Variants in LTBP1 observed in about 807,000 individuals in gnomAD.
LTBP1 encodes latent transforming growth factor beta binding protein 1, also known as latent-transforming growth factor beta-binding protein 1.
LTBP1 carries 129 observed loss-of-function variants against 207.6 expected under a neutral mutation model. The ratio of observed to expected loss-of-function variants is 0.62; its 90% CI spans 0.54 to 0.72. The LOEUF is 0.72. Ranked by LOEUF, LTBP1 falls within the 30% of genes least tolerant of loss-of-function variation. The pLI is 0.00. For missense variants in LTBP1, 2,281 were observed against 2,217.2 expected (o/e 1.03, Z -0.58); for synonymous variants, 963 against 833.7 (o/e 1.16, Z -2.67).
chr2:33,006,294 T>C (rs1271349508), intron 2 of LTBP1, among the ~76,000 whole-genome samples: 3 of 152,122 alleles, frequency 2.0e-5, no homozygotes. Flanking sequence ...TGACATACTC[T>C]GAGTCTCACT....
intron 1 of LTBP1, 64 bp downstream of exon 1, chr2:32,947,882 C>T (rs1343124044): frequency 1.6e-6 from 2 of 1,252,608 alleles, no homozygotes; most frequent in East Asian, 3.3e-5. Flanking sequence ...GAGGGACCTG[C>T]GGGGTCAGGG....
intron 5 of LTBP1, among the ~76,000 whole-genome samples, chr2:33,175,445 C>G (rs548815538): frequency 6.6e-6 from 1 of 152,086 alleles, no homozygotes; most frequent in South Asian, 2.1e-4. Context: ...AAATCAAAAC[C>G]ACAATGAGAT....
At chr2:33,050,563 G>T (rs538893427) in intron 3 of LTBP1, among the ~76,000 whole-genome samples, 2 of 151,104 alleles carry the variant, frequency 1.3e-5, no homozygotes, top group African/African-American at 4.9e-5. Flanking sequence ...AAAAAAATAG[G>T]AGAGGATCCT....
At chr2:33,378,530 C>T (rs1342434037) in intron 31 of LTBP1, among the ~76,000 whole-genome samples, 2 of 152,168 alleles carry the variant, frequency 1.3e-5, no homozygotes, top group Non-Finnish European at 2.9e-5. Context: ...CCACGCCCAG[C>T]ATACTTTCAC....
At chr2:33,157,934 G>T (rs570978214) in intron 5 of LTBP1, among the ~76,000 whole-genome samples, 1 of 152,218 alleles carries the variant, frequency 6.6e-6, no homozygotes, top group East Asian at 1.9e-4. Context: ...CTGAGGTCAG[G>T]AGTTTGAGAC....
intron 8 of LTBP1, among the ~76,000 whole-genome samples, chr2:33,219,213 A>C (rs1188461490): frequency 2.0e-5 from 3 of 152,226 alleles, no homozygotes; most frequent in Non-Finnish European, 4.4e-5. Flanking sequence ...ATTTACAAAA[A>C]TAATCCATGT....
Position 33,398,565 on chromosome 2 carries a change from A to T in LTBP1, c.*20A>T. On this transcript the variant is annotated 3_prime_UTR_variant, in exon 34 of 34. Coordinates refer to ENST00000404816, the MANE Select transcript of LTBP1 (RefSeq NM_206943.4). ...GAGTGAAACAGAATCTACATAACCTAAGCCCATATACTCTGCACTGTGTAA... is the reference window on the plus strand; with the variant it reads ...GAGTGAAACAGAATCTACATAACCTTAGCCCATATACTCTGCACTGTGTAA... 1 of 1,609,260 alleles carries T rather than the reference A, an allele frequency of 6.2e-7. No individual in the cohort carries two copies. The highest frequency in any genetic ancestry group is 8.5e-7 in the Non-Finnish European group (1 of 1,176,926).
chr2:33,283,427 C>CTTTTTTTTTTT (rs763384851), intron 19 of LTBP1, among the ~76,000 whole-genome samples: 1 of 68,872 alleles, frequency 1.5e-5, no homozygotes, highest in Non-Finnish European at 2.6e-5. Flanking sequence ...ACATTAAAGA[C>CTTTTTTTTTTT]TTTTTTTTTT....
intron 2 of LTBP1, among the ~76,000 whole-genome samples, chr2:32,961,251 T>A (rs1287059384): frequency 6.6e-6 from 1 of 152,150 alleles, no homozygotes; most frequent in African/African-American, 2.4e-5. Flanking sequence ...TGACTGGACC[T>A]CCGGGTCTCT....
At chr2:33,374,379 T>C (rs2095110023) in intron 31 of LTBP1, among the ~76,000 whole-genome samples, 1 of 152,192 alleles carries the variant, frequency 6.6e-6, no homozygotes, top group Non-Finnish European at 1.5e-5. Context: ...CGTGAGGTTA[T>C]GATAATTAAT....
chr2:33,363,382 C>T lies in LTBP1; in HGVS notation c.4271-8C>T. 6.2e-7 allele frequency: 1 copy of T among 1,611,922 alleles called. No homozygotes were observed. Among genetic ancestry groups the T allele is most frequent in the Non-Finnish European group, 8.5e-7 (1 of 1,179,008 alleles). Reference sequence around the variant, plus strand: ...CCTTTTTGTATTTCTCAATTTTTTTCCCCGTAGATGCAGATGAATGCCTAC... The same window carrying T: ...CCTTTTTGTATTTCTCAATTTTTTTTCCCGTAGATGCAGATGAATGCCTAC... On this transcript the variant is annotated splice_polypyrimidine_tract_variant and splice_region_variant and intron_variant, in intron 28 of 33. Coordinates refer to ENST00000404816, the MANE Select transcript of LTBP1 (RefSeq NM_206943.4).
intron 2 of LTBP1, among the ~76,000 whole-genome samples, chr2:32,952,509 A>C (rs573169323): frequency 6.6e-6 from 1 of 152,220 alleles, no homozygotes; most frequent in African/African-American, 2.4e-5. Context: ...AAAGAGATGG[A>C]GAGATGGACC....
chr2:33,262,540 CTTTTTTTTT>C (rs369761322), intron 13 of LTBP1, among the ~76,000 whole-genome samples, 173 bp from the exon 14 acceptor site: 2 of 98,496 alleles, frequency 2.0e-5, no homozygotes, highest in African/African-American at 7.4e-5. Context: ...ATCAAAGGTT[CTTTTTTTTT>C]TTTTTTTTTT....
intron 13 of LTBP1, among the ~76,000 whole-genome samples, chr2:33,262,221 G>C (rs1258466534): frequency 6.6e-6 from 1 of 152,230 alleles, no homozygotes. Context: ...TGAGGTTAAA[G>C]AAGGCCATAG....
intron 20 of LTBP1, among the ~76,000 whole-genome samples, chr2:33,297,527 G>A (rs1374365717): frequency 6.6e-6 from 1 of 151,904 alleles, no homozygotes; most frequent in East Asian, 1.9e-4. Context: ...TGCCTCCCAG[G>A]TTCAAGTGAT....
At chr2:33,367,207 A>G (rs973495060) in intron 31 of LTBP1, among the ~76,000 whole-genome samples, 3 of 152,198 alleles carry the variant, frequency 2.0e-5, no homozygotes, top group African/African-American at 7.2e-5. Context: ...TTTGCACTTC[A>G]GCATCCCTGA....
chr2:33,238,489 G>A (rs1469052665), intron 9 of LTBP1, among the ~76,000 whole-genome samples: 3 of 152,198 alleles, frequency 2.0e-5, no homozygotes, highest in East Asian at 1.9e-4. Context: ...TTCAGCCCTG[G>A]CAACTGGCAG....
At chr2:33,169,997 T>C (rs1357175746) in intron 5 of LTBP1, among the ~76,000 whole-genome samples, 2 of 152,088 alleles carry the variant, frequency 1.3e-5, no homozygotes, top group Non-Finnish European at 2.9e-5. Flanking sequence ...GGTAAAAATA[T>C]TTAGAAATAA....
At chr2:33,251,683 AAAAAG>A (rs2092689791) in intron 10 of LTBP1, among the ~76,000 whole-genome samples, 1 of 151,564 alleles carries the variant, frequency 6.6e-6, no homozygotes, top group East Asian at 1.9e-4. Flanking sequence ...AAAAAAAAAA[AAAAAG>A]ATGCTAGAGG....
Sources: gnomAD v4.1 joint callset for allele counts (sites outside exome capture counted in the v4.1 genomes callset) on GRCh38, gnomAD v4.1.1 for gene constraint, MANE v1.5 for transcripts, NCBI Gene and HGNC (gene_info 2026-07-23, HGNC 2026-07-21) for gene names.